The following ASCC3 variants were observed in gnomAD, a reference collection of about 807,000 sequenced individuals.
ASCC3 encodes the protein ASC-1 complex subunit P200.
In ASCC3, 158 loss-of-function variants were observed where a neutral mutation model predicts 256.3. The ratio of observed to expected loss-of-function variants is 0.62; its 90% CI spans 0.54 to 0.70. ASCC3 has a LOEUF of 0.70. ASCC3 is among the 30% of genes least tolerant of loss of function. The pLI is 0.00. For missense variants in ASCC3, 2,259 were observed against 2,626.0 expected, an observed-to-expected ratio of 0.86 and a Z score of 3.05; for synonymous variants, 948 against 883.4, an observed-to-expected ratio of 1.07 and a Z score of -1.30.
At chr6:100,820,729 T>C (rs1448366900) in intron 4 of ASCC3, among the ~76,000 whole-genome samples, 1 of 150,402 alleles carries the variant, frequency 6.6e-6, no homozygotes, top group Non-Finnish European at 1.5e-5. Flanking sequence ...AAAAAAATCA[T>C]GTATCTATCT....
At chr6:100,837,510 TA>T (rs1450387410) in intron 4 of ASCC3, among the ~76,000 whole-genome samples, 1 of 151,900 alleles carries the variant, frequency 6.6e-6, no homozygotes, top group African/African-American at 2.4e-5. Context: ...GATGAATAGA[TA>T]AATATATAGT....
chr6:100,679,555 T>C, intron 14 of ASCC3, 63 bp downstream of exon 14: 2 of 1,606,908 alleles, frequency 1.2e-6, no homozygotes, highest in Non-Finnish European at 1.7e-6. Flanking sequence ...ATCTTTCACA[T>C]ATAAAATACC....
At chr6:100,537,823 GT>G (rs1775240079) in intron 37 of ASCC3, among the ~76,000 whole-genome samples, 1 of 151,096 alleles carries the variant, frequency 6.6e-6, no homozygotes, top group Non-Finnish European at 1.5e-5. Context: ...TTTAAATGCT[GT>G]TTAGAAGGAT....
chr6:100,697,798 G>A (rs1257800497), intron 13 of ASCC3, among the ~76,000 whole-genome samples: 7 of 152,014 alleles, frequency 4.6e-5, no homozygotes, highest in African/African-American at 7.2e-5. Context: ...GGCTGGTAAC[G>A]GAAGGAATTT....
intron 13 of ASCC3, among the ~76,000 whole-genome samples, chr6:100,690,714 C>G: frequency 6.6e-6 from 1 of 152,134 alleles, no homozygotes; most frequent in East Asian, 1.9e-4. Context: ...AATTCACTGA[C>G]TAGTCTTCAT....
At chr6:100,864,460 A>G (rs1773385706) in intron 2 of ASCC3, among the ~76,000 whole-genome samples, 1 of 152,246 alleles carries the variant, frequency 6.6e-6, no homozygotes, top group South Asian at 2.1e-4. Flanking sequence ...ATTACACTGC[A>G]TACTCATAAA....
At chr6:100,685,881 G>A (rs929673618) in intron 13 of ASCC3, among the ~76,000 whole-genome samples, 5 of 152,168 alleles carry the variant, frequency 3.3e-5, no homozygotes, top group Admixed American at 3.3e-4. Flanking sequence ...TCACTACAGA[G>A]TTTTTGTTTT....
In ASCC3 at chr6:100,524,481, T is replaced by C. The variant is rs151109648; in HGVS notation, c.5776-6339A>G. ...AAAGTAAAATAGGAACATTGAGCAC[T>C]GTGATAAAATTATGTCAGTTTCATT... is the stretch of plus-strand genomic sequence containing the variant. On this transcript the variant is annotated intron_variant, in intron 37 of 41. Coordinates refer to ENST00000369162, the MANE Select transcript of ASCC3 (RefSeq NM_006828.4). Among the ~76,000 whole-genome samples the C allele has an allele frequency of 3.3e-5, 5 of 152,268 alleles. No individual in the cohort carries two copies. The East Asian group carries it at 7.7e-4, about 23-fold the overall frequency.
chr6:100,731,339 A>G (rs1779894763), intron 10 of ASCC3, among the ~76,000 whole-genome samples: 1 of 152,234 alleles, frequency 6.6e-6, no homozygotes, highest in South Asian at 2.1e-4. Flanking sequence ...GAATATACAT[A>G]CTGAAGTCTA....
chr6:100,827,123 C>G (rs916741733), intron 4 of ASCC3, among the ~76,000 whole-genome samples: 11 of 152,148 alleles, frequency 7.2e-5, no homozygotes, highest in African/African-American at 2.7e-4. Flanking sequence ...TATATCACAC[C>G]ATTTATCTGT....
chr6:100,712,908 C>G (rs1411574685), intron 13 of ASCC3, among the ~76,000 whole-genome samples: 1 of 151,820 alleles, frequency 6.6e-6, no homozygotes, highest in African/African-American at 2.4e-5. Context: ...CAGACGCCCA[C>G]CACCACGCCC....
chr6:100,519,483 TTGTC>T (rs1304853865), intron 37 of ASCC3, among the ~76,000 whole-genome samples: 3 of 152,098 alleles, frequency 2.0e-5, no homozygotes, highest in Non-Finnish European at 2.9e-5. Flanking sequence ...ATAATACACT[TTGTC>T]TGTCTTTGAA....
chr6:100,512,392 C>T (rs1298062799), intron 40 of ASCC3, among the ~76,000 whole-genome samples: 1 of 152,142 alleles, frequency 6.6e-6, no homozygotes, highest in African/African-American at 2.4e-5. Flanking sequence ...TCTGATTCAG[C>T]CAGTCTGGAG....
chr6:100,821,559 T>C (rs1262675262), intron 4 of ASCC3, among the ~76,000 whole-genome samples: 1 of 152,046 alleles, frequency 6.6e-6, no homozygotes, highest in Non-Finnish European at 1.5e-5. Flanking sequence ...GGCGTGGTCA[T>C]TCACGCCTAT....
At chr6:100,838,190 AGATAT>A (rs1409208044) in intron 4 of ASCC3, among the ~76,000 whole-genome samples, 2 of 152,058 alleles carry the variant, frequency 1.3e-5, no homozygotes, top group Non-Finnish European at 2.9e-5. Flanking sequence ...TCTTTCTTTG[AGATAT>A]GATGCAATTT....
chr6:100,754,607 C>T (rs9498298), intron 10 of ASCC3, among the ~76,000 whole-genome samples: 2,938 of 152,216 alleles, frequency 0.019, 87 homozygotes, highest in African/African-American at 0.068. Flanking sequence ...CACCCTACTA[C>T]CCTTACCATA....
intron 16 of ASCC3, among the ~76,000 whole-genome samples, chr6:100,659,727 G>A (rs1776094203): frequency 6.6e-6 from 1 of 151,428 alleles, no homozygotes; most frequent in Admixed American, 6.6e-5. Flanking sequence ...GTATAATATT[G>A]CCAACTTGTG....
intron 36 of ASCC3, among the ~76,000 whole-genome samples, chr6:100,575,758 C>A (rs1390963035): frequency 6.6e-6 from 1 of 151,948 alleles, no homozygotes; most frequent in Non-Finnish European, 1.5e-5. Context: ...ACATTTGGGG[C>A]ATATTTTGCT....
intron 25 of ASCC3, among the ~76,000 whole-genome samples, chr6:100,634,228 A>T (rs1774709205): frequency 6.6e-6 from 1 of 152,164 alleles, no homozygotes; most frequent in South Asian, 2.1e-4. Context: ...CATCTCAAAC[A>T]TTTATCATTT....
Sources: gnomAD v4.1 joint callset for allele counts (sites outside exome capture counted in the v4.1 genomes callset) on GRCh38, gnomAD v4.1.1 for gene constraint, MANE v1.5 for transcripts, NCBI Gene and HGNC (gene_info 2026-07-23, HGNC 2026-07-21) for gene names.